The following TRABD2B variants were observed in gnomAD, a reference collection of about 807,000 sequenced individuals.
TRABD2B encodes metalloprotease TIKI2.
A neutral mutation model predicts 40.1 loss-of-function variants in TRABD2B; 14 were observed. The observed-to-expected ratio is 0.35, with a 90% CI of 0.23 to 0.55. The LOEUF is 0.55. Ranked by LOEUF, TRABD2B falls within the 20% of genes least tolerant of loss-of-function variation. The pLI, the probability that TRABD2B is intolerant of heterozygous loss-of-function variation, is 0.90. For synonymous variants in TRABD2B, 263 were observed against 277.0 expected (o/e 0.95, Z 0.50); for missense variants, 541 against 648.6 (o/e 0.83, Z 1.80).
At chr1:47,961,124 T>C (rs573444796) in intron 2 of TRABD2B, among the ~76,000 whole-genome samples, 12 of 152,336 alleles carry the variant, frequency 7.9e-5, no homozygotes, top group African/African-American at 2.6e-4. Context: ...GGATTCCCTA[T>C]TTAATAAATG....
intron 3 of TRABD2B, among the ~76,000 whole-genome samples, chr1:47,799,941 C>T (rs1644799187): frequency 6.6e-6 from 1 of 152,174 alleles, no homozygotes; most frequent in African/African-American, 2.4e-5. Context: ...CTCGAATGTC[C>T]CCATCTTCCC....
chr1:47,917,867 G>A (rs1644850771), intron 2 of TRABD2B, among the ~76,000 whole-genome samples: 1 of 152,230 alleles, frequency 6.6e-6, no homozygotes, highest in Non-Finnish European at 1.5e-5. Context: ...GTGCTGCTGG[G>A]GAAGGGCTTT....
intron 2 of TRABD2B, among the ~76,000 whole-genome samples, chr1:47,910,168 G>A (rs1268966038): frequency 6.6e-6 from 1 of 152,020 alleles, no homozygotes; most frequent in African/African-American, 2.4e-5. Context: ...CAGGGATCAT[G>A]TTTCAACATG....
At chr1:47,864,865 T>A (rs1386810884) in intron 2 of TRABD2B, among the ~76,000 whole-genome samples, 1 of 152,168 alleles carries the variant, frequency 6.6e-6, no homozygotes, top group Non-Finnish European at 1.5e-5. Flanking sequence ...AGGGCTCAGT[T>A]ACCCCAACAG....
chr1:47,982,908 A>G (rs891980822), intron 2 of TRABD2B, among the ~76,000 whole-genome samples: 3 of 152,216 alleles, frequency 2.0e-5, no homozygotes, highest in African/African-American at 7.2e-5. Flanking sequence ...TGGAAGCAGA[A>G]TATTAAATTA....
intron 2 of TRABD2B, among the ~76,000 whole-genome samples, chr1:47,871,803 G>GC (rs529624290): frequency 6.6e-6 from 1 of 151,978 alleles, no homozygotes; most frequent in African/African-American, 2.4e-5. Flanking sequence ...TTTCCTCCTG[G>GC]CCCCCCCAGG....
chr1:47,845,897 C>A (rs78142793), intron 2 of TRABD2B, among the ~76,000 whole-genome samples: 1 of 152,314 alleles, frequency 6.6e-6, no homozygotes, highest in South Asian at 2.1e-4. Flanking sequence ...ATGCCTGGCA[C>A]ATAGTAAGTG....
intron 3 of TRABD2B, among the ~76,000 whole-genome samples, chr1:47,797,677 T>A (rs181831548): frequency 6.6e-6 from 1 of 152,224 alleles, no homozygotes; most frequent in East Asian, 1.9e-4. Flanking sequence ...CTCTGCATGT[T>A]TCATGCTGAT....
At chr1:47,769,538 C>A (rs1644352038) in intron 6 of TRABD2B, among the ~76,000 whole-genome samples, 1 of 152,202 alleles carries the variant, frequency 6.6e-6, no homozygotes, top group Non-Finnish European at 1.5e-5. Flanking sequence ...ACAAGCCCCT[C>A]CAAATGCCCC....
intron 2 of TRABD2B, among the ~76,000 whole-genome samples, chr1:47,887,535 G>C (rs536779826): frequency 1.3e-5 from 2 of 151,842 alleles, no homozygotes; most frequent in East Asian, 3.9e-4. Flanking sequence ...AACATTTTCA[G>C]GTTCTTTGCC....
At chr1:47,866,999 A>C (rs2124575602) in intron 2 of TRABD2B, among the ~76,000 whole-genome samples, 1 of 152,264 alleles carries the variant, frequency 6.6e-6, no homozygotes, top group South Asian at 2.1e-4. Flanking sequence ...AGGCCGCCCT[A>C]CACTCAGCTA....
intron 2 of TRABD2B, among the ~76,000 whole-genome samples, chr1:47,822,122 A>G (rs1311907097): frequency 6.7e-6 from 1 of 148,626 alleles, no homozygotes; most frequent in Non-Finnish European, 1.5e-5. Flanking sequence ...AGATGCACAC[A>G]GACCTCTAGG....
intron 2 of TRABD2B, among the ~76,000 whole-genome samples, chr1:47,827,915 G>C (rs1033988918): frequency 7.2e-5 from 11 of 152,120 alleles, no homozygotes; most frequent in Admixed American, 2.6e-4. Flanking sequence ...CACCACCTGG[G>C]GACAGCTACT....
intron 2 of TRABD2B, among the ~76,000 whole-genome samples, chr1:47,929,994 C>T (rs1645018336): frequency 6.6e-6 from 1 of 152,228 alleles, no homozygotes; most frequent in African/African-American, 2.4e-5. Flanking sequence ...ACTTCTCCCA[C>T]CTCCCTGCTC....
intron 2 of TRABD2B, among the ~76,000 whole-genome samples, chr1:47,898,143 G>T (rs547304029): frequency 6.6e-6 from 1 of 152,170 alleles, no homozygotes; most frequent in Non-Finnish European, 1.5e-5. Context: ...AGGCATAAAA[G>T]CAGGCAGGTA....
chr1:47,794,464 G>T, intron 4 of TRABD2B, 122 bp downstream of exon 4: 2 of 1,119,012 alleles, frequency 1.8e-6, no homozygotes, highest in Non-Finnish European at 2.4e-6. Context: ...GCTAAGCACT[G>T]TGTGGCTTTT....
chr1:47,824,426 T>G (rs1645149547), intron 2 of TRABD2B, among the ~76,000 whole-genome samples: 1 of 152,172 alleles, frequency 6.6e-6, no homozygotes, highest in Non-Finnish European at 1.5e-5. Flanking sequence ...TACATGCCCT[T>G]CATCCCATGC....
Position 47,765,740 on chromosome 1 carries a change from A to T in TRABD2B, c.*162T>A. 1 of 638,436 alleles carries T rather than the reference A, an allele frequency of 1.6e-6. No homozygotes were observed. Among genetic ancestry groups the T allele is most frequent in the East Asian group, 2.7e-5 (1 of 36,558 alleles). The allele number at this position is 638,436 out of a possible 1,614,324, so 39.5% of individuals were successfully genotyped here. On this transcript the variant is annotated 3_prime_UTR_variant, in exon 7 of 7. Transcript: ENST00000606738. ...AATTAAGATCCTTCTACAAAAAAGA[A>T]GATGTAACTTGGGTACAGTAAAGCT...
intron 2 of TRABD2B, among the ~76,000 whole-genome samples, chr1:47,804,139 C>T (rs907895062): frequency 4.6e-5 from 7 of 152,240 alleles, no homozygotes; most frequent in Non-Finnish European, 1.0e-4. Flanking sequence ...GCTGCTCCAC[C>T]TAATGAGCTG....
Sources: allele counts gnomAD v4.1 joint callset (sites outside exome capture counted in the v4.1 genomes callset), GRCh38; gene constraint gnomAD v4.1.1; transcripts MANE v1.5; gene names NCBI Gene and HGNC (gene_info 2026-07-23, HGNC 2026-07-21).